Variants in BOD1L1 observed in about 807,000 individuals in gnomAD.
BOD1L1 encodes biorientation of chromosomes in cell division 1 like 1.
A neutral mutation model predicts 240.7 loss-of-function variants in BOD1L1; 86 were observed. That is an observed-to-expected ratio of 0.36 (90% CI 0.30 to 0.43). BOD1L1 has a LOEUF of 0.43. BOD1L1 is among the 20% of genes least tolerant of loss of function. The pLI is 1.00. For synonymous variants in BOD1L1, 1,268 were observed against 1,272.3 expected (o/e 1.00, Z 0.07); for missense variants, 3,554 against 3,643.5 (o/e 0.98, Z 0.63).
At position 13,613,369 on chromosome 4, in the gene BOD1L1, TG is replaced by T; in HGVS notation, c.1324+142del. The T allele has an allele frequency of 1.4e-6, 1 of 735,010 alleles. No individual in the cohort carries two copies. The highest frequency in any genetic ancestry group is 2.1e-6 in the Non-Finnish European group (1 of 486,196). The allele number at this position is 735,010 out of a possible 1,614,324, so 45.5% of individuals were successfully genotyped here. A position where few individuals can be genotyped will look rare whatever the true frequency, so the allele number is the denominator to read the frequency against. ...TTGCTCAGACAGACAACTTTGGAGC[TG>T]GGACTCAGAAACAAATCTTCCAACT... On this transcript the variant is annotated intron_variant, in intron 5 of 25. Coordinates refer to ENST00000040738, the MANE Select transcript of BOD1L1 (RefSeq NM_148894.3). The surrounding 1 kb of genome is among the most constrained non-coding windows in gnomAD (Gnocchi z 4.0).
In BOD1L1 at chr4:13,627,465, C is replaced by T. The variant is rs1179225143; in HGVS notation, c.123G>A (p.Ala41=). Residue 41 remains alanine (A), a synonymous_variant, in exon 1 of 26, where the codon GCG becomes GCA. Coordinates refer to ENST00000040738, the MANE Select transcript of BOD1L1 (RefSeq NM_148894.3). The stretch of plus-strand genomic sequence containing the variant: ...CCCCGGCGCCCGCACCCGCGCCGCC[C>T]GCCCCGCCCGCGCCGGGGCCAGCCC... ...GPGAGPGAGG[A]GGAGAGAGDP... is the part of the protein sequence containing the mutation. The T allele has an allele frequency of 1.8e-5, 19 of 1,077,482 alleles. No homozygotes were observed. The highest frequency in any genetic ancestry group is 3.4e-5 in the South Asian group (1 of 29,092). The allele number at this position is 1,077,482 out of a possible 1,614,324, so 66.7% of individuals were successfully genotyped here. A position where few individuals can be genotyped will look rare whatever the true frequency, so the allele number is the denominator to read the frequency against.
rs1252855810 is a variant in BOD1L1 at position 13,602,618 on chromosome 4, C to T, written c.4282G>A (p.Ala1428Thr). Residue 1428 changes from alanine to threonine, a missense_variant, in exon 10 of 26, where the codon GCA becomes ACA. Physicochemically the swap from Ala to Thr is moderately conservative, Grantham distance 58. Coordinates refer to ENST00000040738, the MANE Select transcript of BOD1L1 (RefSeq NM_148894.3). The stretch of plus-strand genomic sequence containing the variant: ...TCCTTCTTGCCATTCTCTACTGTTG[C>T]TTTAATTGTCTGCTTTAAATTGGGC... ...AEPNLKQTIK[A>T]TVENGKKDGI... The T allele has an allele frequency of 1.2e-6, 2 of 1,614,002 alleles. No homozygotes were observed. Among genetic ancestry groups the T allele is most frequent in the Non-Finnish European group, 1.7e-6 (2 of 1,179,894 alleles).
In BOD1L1 at chr4:13,602,182, G is replaced by C. The variant is rs2108949609; in HGVS notation, c.4718C>G (p.Pro1573Arg). The C allele has an allele frequency of 1.9e-6, 3 of 1,613,820 alleles. No individual in the cohort carries two copies. Among genetic ancestry groups the C allele is most frequent in the Non-Finnish European group, 2.5e-6 (3 of 1,179,792 alleles). Residue 1573 changes from proline (P) to arginine (R), a missense_variant, in exon 10 of 26, where the codon CCT (proline) becomes CGT (arginine). By Grantham distance (103) the Pro-to-Arg change is moderately radical. Transcript: ENST00000040738. ...LIIGTHSRNN[P>R]LHVGAEASEC... ...ACTGGCTTCTGCACCAACATGAAGA[G>C]GATTATTTCTGGAATGTGTTCCTAT...
chr4:13,602,917 T>G lies in BOD1L1; in HGVS notation c.3983A>C (p.Gln1328Pro). Residue 1328 changes from glutamine (Q) to proline (P), a missense_variant, in exon 10 of 26, where the codon CAA (glutamine) becomes CCA (proline). This residue lies in a region of BOD1L1 where 3,393 missense variants were observed against 3,427.1 expected (regional missense o/e 0.99). Coordinates refer to ENST00000040738, the MANE Select transcript of BOD1L1 (RefSeq NM_148894.3). ...TTCTGATTCCCTAACAGTCAGACTT[T>G]GGTTAGGGAGAGCAGAGTGATCCGC... ...SPADHSALPN[Q>P]SLTVRESEVL... 1.2e-6 allele frequency: 2 copies of G among 1,614,040 alleles called. No individual in the cohort carries two copies. The highest frequency in any genetic ancestry group is 2.2e-5 in the South Asian group (2 of 91,084).
At position 13,627,376 on chromosome 4, in the gene BOD1L1, C is replaced by A; in HGVS notation, c.212G>T (p.Arg71Leu). Residue 71 changes from arginine (R) to leucine (L), a missense_variant, in exon 1 of 26, where the codon CGC (arginine) becomes CTC (leucine). By Grantham distance (102) the Arg-to-Leu change is moderately radical. Coordinates refer to ENST00000040738, the MANE Select transcript of BOD1L1 (RefSeq NM_148894.3). ...LKSQGLFDQF[R>L]RDCLADVDTK... ...GTCCACGTCGGCCAGGCAGTCTCTG[C>A]GGAACTGGTCGAAGAGCCCCTGGCT... is the stretch of plus-strand genomic sequence containing the variant. 1 of 1,364,888 alleles carries A rather than the reference C, an allele frequency of 7.3e-7. No individual in the cohort carries two copies. Among genetic ancestry groups the A allele is most frequent in the Admixed American group, 2.7e-5 (1 of 36,802 alleles). 84.5% of individuals were successfully genotyped at this position (1,364,888 alleles called of 1,614,324 possible). A position where few individuals can be genotyped will look rare whatever the true frequency, so the allele number is the denominator to read the frequency against.
At chr4:13,607,501 T>C (rs1057513099) in intron 8 of BOD1L1, among the ~76,000 whole-genome samples, 3 of 152,202 alleles carry the variant, frequency 2.0e-5, no homozygotes, top group African/African-American at 7.2e-5. Flanking sequence ...TTTCACCATG[T>C]TGGTCAGGCT....
Position 13,608,511 on chromosome 4 carries a change from G to A in BOD1L1, c.1742+19C>T, listed in dbSNP as rs368656870. On this transcript the variant is annotated intron_variant, in intron 8 of 25. Transcript: ENST00000040738. ...CAGGGGAGTGTTATAAGGGAAACAT[G>A]ACCAGATAAAATATGTACCTTGAAT... The A allele has an allele frequency of 2.3e-5, 35 of 1,506,986 alleles. No homozygotes were observed. Among genetic ancestry groups the A allele is most frequent in the Non-Finnish European group, 2.9e-5 (33 of 1,132,376 alleles). The allele number at this position is 1,506,986 out of a possible 1,614,324, so 93.4% of individuals were successfully genotyped here. A position where few individuals can be genotyped will look rare whatever the true frequency, so the allele number is the denominator to read the frequency against.
chr4:13,602,123 C>G lies in BOD1L1; in HGVS notation c.4777G>C (p.Gly1593Arg), dbSNP rs1560201855. Residue 1593 changes from glycine (G) to arginine (R), a missense_variant, in exon 10 of 26, where the codon GGG becomes CGG. Gly to Arg is a moderately radical substitution (Grantham distance 125, BLOSUM62 -2). This residue lies in a region of BOD1L1 where 3,393 missense variants were observed against 3,427.1 expected (regional missense o/e 0.99). Transcript: ENST00000040738. Reference protein sequence around the residue: ...CTVFAAAEEGGAVVTEGFAES... With the variant: ...CTVFAAAEEGRAVVTEGFAES... ...GCAAATCCCTCTGTGACAACAGCCC[C>G]ACCTTCTTCAGCTGCAGCAAAAACA... 2 of 1,614,004 alleles carry G rather than the reference C, an allele frequency of 1.2e-6. No individual in the cohort carries two copies. Among genetic ancestry groups the G allele is most frequent in the Non-Finnish European group, 1.7e-6 (2 of 1,179,898 alleles).
chr4:13,584,441 A>AGTGTGTGTGTGT (rs36096107), intron 17 of BOD1L1, among the ~76,000 whole-genome samples: 63 of 134,904 alleles, frequency 4.7e-4, no homozygotes, highest in Middle Eastern at 3.6e-3. Flanking sequence ...AGAGAGAGAG[A>AGTGTGTGTGTGT]GTGTGTGTGT....
chr4:13,591,035 A>G (rs1447822076), intron 13 of BOD1L1, among the ~76,000 whole-genome samples: 1 of 152,062 alleles, frequency 6.6e-6, no homozygotes, highest in African/African-American at 2.4e-5. Flanking sequence ...AACCCCATTT[A>G]AAGTCTTTTT....
Position 13,627,340 on chromosome 4 carries a change from C to A in BOD1L1, c.243+5G>T. On this transcript the variant is annotated splice_donor_5th_base_variant and intron_variant, in intron 1 of 25. Coordinates refer to ENST00000040738, the MANE Select transcript of BOD1L1 (RefSeq NM_148894.3). ...GCAGACCCCCAAACCCGGCGCGCTC[C>A]TAACCTTGGTGTCCACGTCGGCCAG... The A allele has an allele frequency of 7.6e-7, 1 of 1,314,694 alleles. No homozygotes were observed. The highest frequency in any genetic ancestry group is 9.8e-7 in the Non-Finnish European group (1 of 1,021,142). 81.4% of individuals were successfully genotyped at this position (1,314,694 alleles called of 1,614,324 possible).
rs376259339 is a variant in BOD1L1 at position 13,599,559 on chromosome 4, T to A, written c.7341A>T (p.Arg2447Ser). 21 of 1,613,938 alleles carry A rather than the reference T, an allele frequency of 1.3e-5. No homozygotes were observed. The highest frequency in any genetic ancestry group is 1.7e-5 in the Non-Finnish European group (20 of 1,179,912). Reference sequence around the variant, plus strand: ...GGTGTAAAGTGCTCTCTTTCTGTCCTCTTCCTGCAAATGGTCCTATTTCGG... The same window carrying A: ...GGTGTAAAGTGCTCTCTTTCTGTCCACTTCCTGCAAATGGTCCTATTTCGG... ...ECPEIGPFAG[R>S]GQKESTLHLI... is the part of the protein sequence containing the mutation. The change falls in exon 10 of 26, where the codon AGA (arginine) becomes AGT (serine). Residue 2447 changes from arginine (R) to serine (S), a missense_variant. Transcript: ENST00000040738.
Position 13,603,394 on chromosome 4 carries a change from G to A in BOD1L1, c.3506C>T (p.Thr1169Ile). 6.2e-7 allele frequency: 1 copy of A among 1,613,940 alleles called. No individual in the cohort carries two copies. The highest frequency in any genetic ancestry group is 8.5e-7 in the Non-Finnish European group (1 of 1,179,876). Residue 1169 changes from threonine to isoleucine, a missense_variant, in exon 10 of 26, where the codon ACT (threonine) becomes ATT (isoleucine). This residue lies in a region of BOD1L1 where 3,393 missense variants were observed against 3,427.1 expected (regional missense o/e 0.99). Transcript: ENST00000040738. ...SATVQKDELR[T>I]CTADSKATAP... is the part of the protein sequence containing the mutation. Reference sequence around the variant, plus strand: ...TGTTGCTTTTGAATCTGCTGTGCAAGTTCTCAATTCATCCTTTTGAACAGT... The same window carrying A: ...TGTTGCTTTTGAATCTGCTGTGCAAATTCTCAATTCATCCTTTTGAACAGT...
At chr4:13,595,832 A>G (rs1370516878) in intron 12 of BOD1L1, 28 bp downstream of exon 12, 1 of 1,589,396 alleles carries the variant, frequency 6.3e-7, no homozygotes. Context: ...AACAAAAACA[A>G]TGTGAACAAC....
rs539939094 is a variant in BOD1L1 at position 13,609,666 on chromosome 4, C to A, written c.1492-260G>T. Among the ~76,000 whole-genome samples, 4 of 151,798 alleles carry A rather than the reference C, an allele frequency of 2.6e-5. No individual in the cohort carries two copies. The East Asian group carries it at 7.7e-4, about 29-fold the overall frequency. Reference sequence around the variant, plus strand: ...AATTTGCCATTACTCTTTAAGAATGCCATTAAAGAAAGGGAAAGGTATAAT... The same window carrying A: ...AATTTGCCATTACTCTTTAAGAATGACATTAAAGAAAGGGAAAGGTATAAT... On this transcript the variant is annotated intron_variant, in intron 6 of 25. Coordinates refer to ENST00000040738, the MANE Select transcript of BOD1L1 (RefSeq NM_148894.3).
In BOD1L1 at chr4:13,609,305, G is replaced by C. The variant is rs1457712325; in HGVS notation, c.1593C>G (p.Thr531=). 1.3e-6 allele frequency: 2 copies of C among 1,535,630 alleles called. No homozygotes were observed. The highest frequency in any genetic ancestry group is 2.2e-5 in the Admixed American group (1 of 44,888). Residue 531 remains threonine (T), a synonymous_variant, in exon 7 of 26, where the codon ACC becomes ACG. Coordinates refer to ENST00000040738, the MANE Select transcript of BOD1L1 (RefSeq NM_148894.3). ...QKAEKTKSSK[T]KGQGRSSVDL... ...AGTTGACATCTATACCTTGACCCTT[G>C]GTTTTTGAAGACTTTGTCTTTTCTG...
chr4:13,593,074 G>A (rs565545008), intron 12 of BOD1L1: 3 of 152,254 alleles, frequency 2.0e-5, no homozygotes, highest in South Asian at 4.1e-4. Context: ...TCAAAGGAAA[G>A]GCTCACTGGA....
At chr4:13,622,739 G>GT (rs1717125888) in intron 1 of BOD1L1, among the ~76,000 whole-genome samples, 1 of 152,124 alleles carries the variant, frequency 6.6e-6, no homozygotes, top group Non-Finnish European at 1.5e-5. Flanking sequence ...TAAAAATCAG[G>GT]TAACCATGTA....
At chr4:13,597,233 A>C (rs1714701104) in intron 10 of BOD1L1, 65 bp from the exon 11 acceptor site, 10 of 1,231,688 alleles carry the variant, frequency 8.1e-6, no homozygotes, top group Non-Finnish European at 1.2e-5. Context: ...CTGGGGTCAA[A>C]AAGTAATGGA....
Sources: gnomAD v4.1 joint callset for allele counts (sites outside exome capture counted in the v4.1 genomes callset) on GRCh38, gnomAD v4.1.1 for gene constraint, gnomAD v4.1.1 regional missense constraint, Gnocchi (gnomAD v3.1) non-coding constraint, MANE v1.5 for transcripts, NCBI Gene and HGNC (gene_info 2026-07-23, HGNC 2026-07-21) for gene names.